The following SORCS3 variants were observed in gnomAD, a reference collection of about 807,000 sequenced individuals.
The protein encoded by SORCS3 is sortilin related VPS10 domain containing receptor 3.
SORCS3 carries 57 observed loss-of-function variants against 146.3 expected under a neutral mutation model. That is an observed-to-expected ratio of 0.39 (90% confidence interval 0.31 to 0.49). The LOEUF (loss-of-function observed/expected upper bound fraction) is 0.49. SORCS3 is among the 20% of genes least tolerant of loss of function. The pLI is 0.92. For synonymous variants in SORCS3, 653 were observed against 618.5 expected (o/e 1.06, Z -0.83); for missense variants, 1,341 against 1,575.5 (o/e 0.85, Z 2.52).
chr10:104,900,263 G>C (rs1027687730), intron 2 of SORCS3, among the ~76,000 whole-genome samples: 111 of 152,244 alleles, frequency 7.3e-4, no homozygotes, highest in African/African-American at 2.6e-3. Context: ...CAGGCACTCA[G>C]GTTTGGTATC....
intron 1 of SORCS3, among the ~76,000 whole-genome samples, chr10:104,798,083 C>T (rs2017578476): frequency 6.6e-6 from 1 of 152,130 alleles, no homozygotes; most frequent in Admixed American, 6.5e-5. Context: ...AGTAAGGACT[C>T]AGGCACTCAT....
chr10:104,931,751 T>C (rs1050496629), intron 3 of SORCS3, among the ~76,000 whole-genome samples: 2 of 152,206 alleles, frequency 1.3e-5, no homozygotes, highest in Admixed American at 6.5e-5. Context: ...CCTGTTTTTA[T>C]AGGGCAACTT....
chr10:104,743,869 T>C (rs961329622), intron 1 of SORCS3, among the ~76,000 whole-genome samples: 1 of 152,212 alleles, frequency 6.6e-6, no homozygotes, highest in African/African-American at 2.4e-5. Flanking sequence ...TATTCAGGCA[T>C]CCGCTTAAAG....
intron 1 of SORCS3, among the ~76,000 whole-genome samples, chr10:104,782,646 C>T (rs2017388689): frequency 2.0e-5 from 3 of 152,166 alleles, no homozygotes; most frequent in Admixed American, 2.0e-4. Flanking sequence ...TTATGTTTGG[C>T]CAACATGTGG....
intron 1 of SORCS3, among the ~76,000 whole-genome samples, chr10:104,765,504 T>C (rs1425745215): frequency 1.3e-5 from 2 of 152,178 alleles, no homozygotes; most frequent in Non-Finnish European, 2.9e-5. Flanking sequence ...ATAACGTACA[T>C]GAAAACACCC....
At chr10:105,032,450 T>A (rs1424057346) in intron 4 of SORCS3, among the ~76,000 whole-genome samples, 1 of 152,180 alleles carries the variant, frequency 6.6e-6, no homozygotes, top group Non-Finnish European at 1.5e-5. Context: ...CTTTCCTTTT[T>A]TACTCCTCTG....
chr10:104,816,329 G>A (rs2017797608), intron 1 of SORCS3, among the ~76,000 whole-genome samples: 1 of 152,138 alleles, frequency 6.6e-6, no homozygotes, highest in South Asian at 2.1e-4. Flanking sequence ...TCTGCTGAAA[G>A]CAAGATGCCA....
At chr10:105,191,334 G>A (rs1564780748) in intron 14 of SORCS3, among the ~76,000 whole-genome samples, 1 of 152,266 alleles carries the variant, frequency 6.6e-6, no homozygotes, top group East Asian at 1.9e-4. Context: ...AAAGATCAGA[G>A]AGGACATAAT....
intron 2 of SORCS3, among the ~76,000 whole-genome samples, chr10:104,851,675 GA>G (rs1301857731): frequency 1.3e-5 from 2 of 152,024 alleles, no homozygotes; most frequent in African/African-American, 4.8e-5. Flanking sequence ...AAAAGAAAAA[GA>G]AAAAAATTCA....
At chr10:104,868,169 C>T (rs1445818664) in intron 2 of SORCS3, among the ~76,000 whole-genome samples, 1 of 152,208 alleles carries the variant, frequency 6.6e-6, no homozygotes, top group Non-Finnish European at 1.5e-5. Context: ...CTTCAGAGCT[C>T]TGCTCTCTGA....
At chr10:105,060,434 G>A (rs969822802) in intron 5 of SORCS3, among the ~76,000 whole-genome samples, 1 of 152,108 alleles carries the variant, frequency 6.6e-6, no homozygotes, top group African/African-American at 2.4e-5. Flanking sequence ...TTAATACAGT[G>A]CACCTTTAAA....
At chr10:104,978,489 C>T (rs1250350258) in intron 4 of SORCS3, among the ~76,000 whole-genome samples, 1 of 152,158 alleles carries the variant, frequency 6.6e-6, no homozygotes, top group Non-Finnish European at 1.5e-5. Context: ...AGATCTCGCC[C>T]CAGCATAGCT....
chr10:104,743,727 C>T (rs1382840685), intron 1 of SORCS3, among the ~76,000 whole-genome samples: 1 of 152,156 alleles, frequency 6.6e-6, no homozygotes, highest in Non-Finnish European at 1.5e-5. Context: ...CCCTAAGCCC[C>T]CTGTGAACCT....
intron 1 of SORCS3, among the ~76,000 whole-genome samples, chr10:104,839,634 A>G (rs553347786): frequency 6.6e-6 from 1 of 152,332 alleles, no homozygotes; most frequent in South Asian, 2.1e-4. Context: ...GGAAGCCAGT[A>G]AAGGTTTCTG....
chr10:105,189,091 G>C (rs1376485636), intron 14 of SORCS3, among the ~76,000 whole-genome samples: 2 of 152,196 alleles, frequency 1.3e-5, no homozygotes, highest in Non-Finnish European at 2.9e-5. Context: ...TGAATGTAGG[G>C]TAACCCCTGG....
chr10:104,770,368 A>G (rs2017234169), intron 1 of SORCS3, among the ~76,000 whole-genome samples: 1 of 151,850 alleles, frequency 6.6e-6, no homozygotes, highest in Non-Finnish European at 1.5e-5. Context: ...GGAAAAGGGG[A>G]CTCCTATTTC....
chr10:104,820,928 G>A (rs115690443), intron 1 of SORCS3, among the ~76,000 whole-genome samples: 2,114 of 152,264 alleles, frequency 0.014, 32 homozygotes, highest in African/African-American at 0.036. Flanking sequence ...TAAATGGTGG[G>A]AGAAGTATTT....
Position 104,777,011 on chromosome 10 carries a change from G to T in SORCS3, c.628-65781G>T, listed in dbSNP as rs1422733244. Among the ~76,000 whole-genome samples the T allele has an allele frequency of 3.3e-5, 5 of 151,148 alleles. No homozygotes were observed. The South Asian group carries it at 6.3e-4, about 19-fold the overall frequency. The stretch of plus-strand genomic sequence containing the variant: ...TTCTAGAGTGAGGGAGATGGGGGTG[G>T]TGGGGGGTGGAGGCTTTGGGGGCAT... On this transcript the variant is annotated intron_variant, in intron 1 of 26. Transcript: ENST00000369701.
intron 2 of SORCS3, among the ~76,000 whole-genome samples, chr10:104,855,107 G>A (rs1444406149): frequency 6.6e-6 from 1 of 152,124 alleles, no homozygotes; most frequent in Admixed American, 6.6e-5. Context: ...TCCTTGAATT[G>A]CTTTTGCCCC....
Sources: allele counts gnomAD v4.1 joint callset (sites outside exome capture counted in the v4.1 genomes callset), GRCh38; gene constraint gnomAD v4.1.1; transcripts MANE v1.5; gene names NCBI Gene and HGNC (gene_info 2026-07-23, HGNC 2026-07-21).